The following TNPO2 variants were observed in gnomAD, a reference collection of about 807,000 sequenced individuals.
TNPO2 encodes the protein transportin 2, also known as transportin-2.
Under a neutral mutation model 111.1 loss-of-function variants are expected in TNPO2, and 16 were observed. That is an observed-to-expected ratio of 0.14 (90% confidence interval 0.10 to 0.22). The LOEUF (loss-of-function observed/expected upper bound fraction) is 0.22. Among genes scored for constraint, TNPO2 ranks in the 10% least tolerant of loss-of-function variants. The pLI is 1.00. For missense variants in TNPO2, 530 were observed against 1,173.7 expected (o/e 0.45, Z 8.01); for synonymous variants, 481 against 475.8 (o/e 1.01, Z -0.14).
chr19:12,715,859 A>T lies in TNPO2; in HGVS notation c.326-120T>A. On this transcript the variant is annotated intron_variant, in intron 5 of 25. Coordinates refer to ENST00000425528, the MANE Select transcript of TNPO2 (RefSeq NM_001382241.1). The surrounding 1 kb of genome is among the most constrained non-coding windows in gnomAD (Gnocchi z 7.1). ...TCCCTAGCCCATGTACGCCCTCTAC[A>T]TCCCCCCTCCTTTTTTTTTTCTTTG... 1.4e-6 allele frequency: 1 copy of T among 715,302 alleles called. No homozygotes were observed. The highest frequency in any genetic ancestry group is 2.3e-6 in the Non-Finnish European group (1 of 437,928). The allele number at this position is 715,302 out of a possible 1,614,324, so 44.3% of individuals were successfully genotyped here. A position where few individuals can be genotyped will look rare whatever the true frequency, so the allele number is the denominator to read the frequency against.
Position 12,706,827 on chromosome 19 carries a change from T to G in TNPO2, c.1271-32A>C. On this transcript the variant is annotated intron_variant, in intron 13 of 25. Transcript: ENST00000425528. The surrounding 1 kb of genome is among the most constrained non-coding windows in gnomAD (Gnocchi z 7.0). The stretch of plus-strand genomic sequence containing the variant: ...GGAAAGGGAACCAAGAGGGGGCAGT[T>G]TGATTGGGCCCAGCCACACCCACCG... 1 of 1,555,208 alleles carries G rather than the reference T, an allele frequency of 6.4e-7. No individual in the cohort carries two copies. Among genetic ancestry groups the G allele is most frequent in the East Asian group, 2.4e-5 (1 of 42,020 alleles).
At chr19:12,723,537 G>C (rs1967143961) in intron 1 of TNPO2, 172 bp from the exon 2 acceptor site, 1 of 152,178 alleles carries the variant, frequency 6.6e-6, no homozygotes, top group Non-Finnish European at 1.5e-5. Context: ...TCCAAGTTAA[G>C]CATGACCTGG....
chr19:12,720,367 C>T (rs918893013), intron 3 of TNPO2, among the ~76,000 whole-genome samples: 1 of 152,110 alleles, frequency 6.6e-6, no homozygotes, highest in Non-Finnish European at 1.5e-5. Context: ...CCCAGGGTGG[C>T]TGGAGTACAG....
Position 12,721,039 on chromosome 19 carries a change from T to C in TNPO2, c.-13-49A>G. 1 of 1,536,352 alleles carries C rather than the reference T, an allele frequency of 6.5e-7. No homozygotes were observed. The highest frequency in any genetic ancestry group is 8.7e-7 in the Non-Finnish European group (1 of 1,146,362). On this transcript the variant is annotated intron_variant, in intron 2 of 25. Coordinates refer to ENST00000425528, the MANE Select transcript of TNPO2 (RefSeq NM_001382241.1). This position sits in a 1 kb window ranked among gnomAD's most constrained non-coding sequence, Gnocchi z 4.9. Reference sequence around the variant, plus strand: ...AGCGCTGGGTCTCTGGGGCTCCGTGTGAGACCCAGGTGGAGCCCCTGAGGC... The same window carrying C: ...AGCGCTGGGTCTCTGGGGCTCCGTGCGAGACCCAGGTGGAGCCCCTGAGGC...
Position 12,702,263 on chromosome 19 carries a change from T to A in TNPO2, c.2306-86A>T. On this transcript the variant is annotated intron_variant, in intron 21 of 25. Transcript: ENST00000425528. The surrounding 1 kb of genome is among the most constrained non-coding windows in gnomAD (Gnocchi z 5.5). ...CCCCGCCCCATGAGCCCCAAGGGAATGGCTACTGCAGCCACCCTGGTCCCC... is the reference window on the plus strand; with the variant it reads ...CCCCGCCCCATGAGCCCCAAGGGAAAGGCTACTGCAGCCACCCTGGTCCCC... 2.5e-6 allele frequency: 3 copies of A among 1,204,300 alleles called. No homozygotes were observed. Among genetic ancestry groups the A allele is most frequent in the Non-Finnish European group, 3.6e-6 (3 of 840,266 alleles). 74.6% of individuals were successfully genotyped at this position (1,204,300 alleles called of 1,614,324 possible).
At chr19:12,723,465 TGAA>T (rs1171215545) in intron 1 of TNPO2, 100 bp from the exon 2 acceptor site, 1 of 152,140 alleles carries the variant, frequency 6.6e-6, no homozygotes, top group African/African-American at 2.4e-5. Flanking sequence ...TCCTGCCACT[TGAA>T]GCCTCAGTTT....
In TNPO2 at chr19:12,721,606, T is replaced by A; in HGVS notation, c.-13-616A>T. ...CTTCAAGCTCAGTGGATGCCAGATATCCCCCTCTGTGGCCTAGCCAAATTC... is the reference window on the plus strand; with the variant it reads ...CTTCAAGCTCAGTGGATGCCAGATAACCCCCTCTGTGGCCTAGCCAAATTC... On this transcript the variant is annotated intron_variant, in intron 2 of 25. Coordinates refer to ENST00000425528, the MANE Select transcript of TNPO2 (RefSeq NM_001382241.1). The surrounding 1 kb of genome is among the most constrained non-coding windows in gnomAD (Gnocchi z 4.9). 7.3e-6 allele frequency: 2 copies of A among 273,468 alleles called. No homozygotes were observed. Among genetic ancestry groups the A allele is most frequent in the South Asian group, 5.9e-5 (2 of 33,752 alleles). 16.9% of individuals were successfully genotyped at this position (273,468 alleles called of 1,614,324 possible). A position where few individuals can be genotyped will look rare whatever the true frequency, so the allele number is the denominator to read the frequency against.
In TNPO2 at chr19:12,702,234, C is replaced by A; in HGVS notation, c.2306-57G>T. 6.8e-7 allele frequency: 1 copy of A among 1,461,202 alleles called. No homozygotes were observed. The highest frequency in any genetic ancestry group is 1.4e-5 in the African/African-American group (1 of 71,494). The allele number at this position is 1,461,202 out of a possible 1,614,324, so 90.5% of individuals were successfully genotyped here. ...TGGCGGGGCCTCTGGCACAAGGCAC[C>A]AAGCCCCGCCCCATGAGCCCCAAGG... On this transcript the variant is annotated intron_variant, in intron 21 of 25. Coordinates refer to ENST00000425528, the MANE Select transcript of TNPO2 (RefSeq NM_001382241.1). This position sits in a 1 kb window ranked among gnomAD's most constrained non-coding sequence, Gnocchi z 5.5.
At chr19:12,708,860 A>G (rs2025863648) in intron 13 of TNPO2, among the ~76,000 whole-genome samples, 1 of 151,754 alleles carries the variant, frequency 6.6e-6, no homozygotes, top group African/African-American at 2.4e-5. Flanking sequence ...AGTAAGAGCA[A>G]AACTCCGTCT....
Position 12,719,168 on chromosome 19 carries a change from C to T in TNPO2, c.186G>A (p.Thr62=), listed in dbSNP as rs754523968. 1.1e-5 allele frequency: 18 copies of T among 1,613,756 alleles called. No individual in the cohort carries two copies. Among genetic ancestry groups the T allele is most frequent in the East Asian group, 4.5e-5 (2 of 44,886 alleles). The part of the protein sequence containing the change: ...LTRLKSEDEP[T]RSLSGLILKN... ...TGAGGATGAGGCCACTGAGAGAGCG[C>T]GTTGGCTCATCTGGGAGGAGGAAGG... Residue 62 remains threonine (T), a synonymous_variant, in exon 5 of 26, where the codon ACG becomes ACA. Transcript: ENST00000425528. This position sits in a 1 kb window ranked among gnomAD's most constrained non-coding sequence, Gnocchi z 5.0.
chr19:12,703,874 C>CAG lies in TNPO2; in HGVS notation c.2023-74_2023-73insCT, dbSNP rs1310487672. 866 of 1,329,286 alleles carry CAG rather than the reference C, an allele frequency of 6.5e-4. 8 individuals carry two copies. In the African/African-American group the frequency reaches 0.011, roughly 17 times the overall value. The allele number at this position is 1,329,286 out of a possible 1,614,324, so 82.3% of individuals were successfully genotyped here. A position where few individuals can be genotyped will look rare whatever the true frequency, so the allele number is the denominator to read the frequency against. On this transcript the variant is annotated intron_variant, in intron 18 of 25. Coordinates refer to ENST00000425528, the MANE Select transcript of TNPO2 (RefSeq NM_001382241.1). ...CCAGGACAGCTCAGGGGGCACAGTC[C>CAG]CTGGTGCATGTCCAGCCTCTGCCAC...
intron 10 of TNPO2, 31 bp downstream of exon 10, chr19:12,714,790 G>C (rs1181337284): frequency 6.3e-7 from 1 of 1,583,866 alleles, no homozygotes; most frequent in African/African-American, 1.3e-5. Flanking sequence ...GTCGAAGCTG[G>C]GGTAGGACAG....
intron 5 of TNPO2, among the ~76,000 whole-genome samples, chr19:12,717,358 A>G (rs1599427133): frequency 3.0e-5 from 4 of 134,916 alleles, no homozygotes; most frequent in African/African-American, 1.2e-4. Context: ...TGCAACCTCC[A>G]CCTCCCGAGT....
chr19:12,715,337 A>G lies in TNPO2; in HGVS notation c.567-13T>C. The G allele has an allele frequency of 6.2e-7, 1 of 1,613,772 alleles. No homozygotes were observed. Among genetic ancestry groups the G allele is most frequent in the Non-Finnish European group, 8.5e-7 (1 of 1,179,820 alleles). ...GATGGCGTGGGACCTGGCGGGGAGCAGACACGTGGGTCACCCTGACCCTGC... is the reference window on the plus strand; with the variant it reads ...GATGGCGTGGGACCTGGCGGGGAGCGGACACGTGGGTCACCCTGACCCTGC... On this transcript the variant is annotated splice_polypyrimidine_tract_variant and intron_variant, in intron 7 of 25. Transcript: ENST00000425528. The surrounding 1 kb of genome is among the most constrained non-coding windows in gnomAD (Gnocchi z 7.1).
At chr19:12,707,598 C>T (rs536562295) in intron 13 of TNPO2, among the ~76,000 whole-genome samples, 17 of 136,922 alleles carry the variant, frequency 1.2e-4, no homozygotes, top group Admixed American at 1.1e-3. Context: ...CAAGTGATTT[C>T]CTGCCTAAGC....
In TNPO2 at chr19:12,701,496, A is replaced by T. The variant is rs989224533; in HGVS notation, c.2587-43T>A. 9 of 1,597,578 alleles carry T rather than the reference A, an allele frequency of 5.6e-6. No individual in the cohort carries two copies. In the Admixed American group the frequency reaches 1.0e-4, roughly 18 times the overall value. ...GTGAGGGGTAGGCAGGGGCAGAACA[A>T]GGGGAGTGCGCCTCTTCCCCCATCC... On this transcript the variant is annotated intron_variant, in intron 24 of 25. Transcript: ENST00000425528. This position sits in a 1 kb window ranked among gnomAD's most constrained non-coding sequence, Gnocchi z 5.0.
rs747275313 is a variant in TNPO2, at chr19:12,708,665, G to A, written c.1271-1870C>T. Among the ~76,000 whole-genome samples, 36 of 151,870 alleles carry A rather than the reference G, an allele frequency of 2.4e-4. 1 individual carries two copies. Among genetic ancestry groups the A allele is most frequent in the African/African-American group, 4.8e-4 (20 of 41,414 alleles). ...ATGGATCACCTGAGGTCAGGAGTTC[G>A]AAACCAGCTTGACCAACACAGTGAA... On this transcript the variant is annotated intron_variant, in intron 13 of 25. Transcript: ENST00000425528.
intron 10 of TNPO2, among the ~76,000 whole-genome samples, chr19:12,713,810 T>C (rs2026205103): frequency 6.6e-6 from 1 of 152,118 alleles, no homozygotes; most frequent in Non-Finnish European, 1.5e-5. Flanking sequence ...GGAGGACTGC[T>C]TGAGGCCAGG....
chr19:12,706,908 T>A lies in TNPO2; in HGVS notation c.1271-113A>T. 2.2e-6 allele frequency: 2 copies of A among 901,318 alleles called. No individual in the cohort carries two copies. The highest frequency in any genetic ancestry group is 3.4e-6 in the Non-Finnish European group (2 of 582,158). 55.8% of individuals were successfully genotyped at this position (901,318 alleles called of 1,614,324 possible). On this transcript the variant is annotated intron_variant, in intron 13 of 25. Transcript: ENST00000425528. This position sits in a 1 kb window ranked among gnomAD's most constrained non-coding sequence, Gnocchi z 7.0. ...TATAGGGAAACTGAGGCTTAGAGTT[T>A]AAATCACTGGCCCAGACTCATTTCA...
Sources: gnomAD v4.1 joint callset for allele counts (sites outside exome capture counted in the v4.1 genomes callset) on GRCh38, gnomAD v4.1.1 for gene constraint, Gnocchi (gnomAD v3.1) non-coding constraint, MANE v1.5 for transcripts, NCBI Gene and HGNC (gene_info 2026-07-23, HGNC 2026-07-21) for gene names.